The following GOLGA8N variants were observed in gnomAD, a reference collection of about 807,000 sequenced individuals.
GOLGA8N encodes golgin subfamily A member 8N.
In GOLGA8N, 2 loss-of-function variants were observed where a neutral mutation model predicts 22.0. That is an observed-to-expected ratio of 0.09 (90% confidence interval 0.04 to 0.29). The LOEUF (loss-of-function observed/expected upper bound fraction) is 0.29, where lower values mean the gene tolerates loss of function less well. GOLGA8N is among the 10% of genes least tolerant of loss of function. GOLGA8N has a pLI of 1.00. For synonymous variants in GOLGA8N, 2 were observed against 58.7 expected (o/e 0.03, Z 4.41); for missense variants, 10 against 164.7 (o/e 0.06, Z 5.14).
At chr15:32,606,966 C>T (rs1413346177) in exon 19 of GOLGA8N, 4 of 150,430 alleles carry the variant, frequency 2.7e-5, no homozygotes, top group Admixed American at 1.3e-4. Context: ...ATGGTGGGAA[C>T]GAAAAGCAGA....
intron 15 of GOLGA8N, among the ~76,000 whole-genome samples, 168 bp from the exon 16 acceptor site, chr15:32,603,018 C>T: frequency 1.2e-5 from 1 of 80,892 alleles, no homozygotes; most frequent in Middle Eastern, 5.4e-3. Flanking sequence ...GGCCCTGGAG[C>T]CCCAGGGCCT....
In GOLGA8N at chr15:32,599,546, GC is replaced by G; in HGVS notation, c.786+26del. Reference sequence around the variant, plus strand: ...GCAGGAGGTGAGATCTGACCCTTCAGCCCCCCCACATTAGATAGGTCACTGG... The same window carrying G: ...GCAGGAGGTGAGATCTGACCCTTCAGCCCCCCACATTAGATAGGTCACTGG... On this transcript the variant is annotated intron_variant, in intron 10 of 18. Coordinates refer to ENST00000448387, the Ensembl canonical transcript of GOLGA8N. 1.3e-5 allele frequency: 1 copy of G among 78,166 alleles called. No individual in the cohort carries two copies. The highest frequency in any genetic ancestry group is 2.2e-5 in the Non-Finnish European group (1 of 46,404). 4.8% of individuals were successfully genotyped at this position (78,166 alleles called of 1,614,324 possible). A position where few individuals can be genotyped will look rare whatever the true frequency, so the allele number is the denominator to read the frequency against.
At chr15:32,603,504 GGTGGGT>G in intron 17 of GOLGA8N, 38 bp downstream of exon 17, 1 of 29,574 alleles carries the variant, frequency 3.4e-5, no homozygotes, top group Non-Finnish European at 5.6e-5. Context: ...TGGGGGTGGG[GGTGGGT>G]GTGAGGGTGG....
intron 2 of GOLGA8N, among the ~76,000 whole-genome samples, chr15:32,595,854 G>T (rs2052816684): frequency 6.6e-6 from 1 of 151,190 alleles, no homozygotes; most frequent in African/African-American, 2.5e-5. Context: ...TTTAGGGCAA[G>T]TTGCTTGACC....
chr15:32,606,288 G>C (rs1382030956), exon 19 of GOLGA8N: 1 of 103,354 alleles, frequency 9.7e-6, no homozygotes, highest in East Asian at 2.5e-4. Context: ...ATAGCGTTTA[G>C]CATCTGTAAC....
At chr15:32,595,548 GA>G (rs1441429662) in intron 2 of GOLGA8N, among the ~76,000 whole-genome samples, 161 bp downstream of exon 2, 1 of 44,530 alleles carries the variant, frequency 2.2e-5, no homozygotes, top group African/African-American at 1.0e-4. Context: ...GGGAGGCCAA[GA>G]CAGGCGGATC....
At chr15:32,607,071 A>G (rs533286932) in exon 19 of GOLGA8N, 16 of 151,664 alleles carry the variant, frequency 1.1e-4, no homozygotes, top group South Asian at 2.1e-4. Flanking sequence ...AGAATGTGTC[A>G]TGGAAATACT....
chr15:32,598,082 C>T, exon 8 of GOLGA8N: 3 of 1,279,362 alleles, frequency 2.3e-6, no homozygotes, highest in Non-Finnish European at 3.1e-6. Flanking sequence ...GTCCAAGGAC[C>T]TGGCTGTCCG....
In GOLGA8N at chr15:32,598,467, T is replaced by C. The variant is rs1251437645; in HGVS notation, c.591+290T>C. 7.4e-5 allele frequency among the ~76,000 whole-genome samples: 4 copies of C among 54,420 alleles called. 2 individuals carry two copies. The highest frequency in any genetic ancestry group is 1.4e-4 in the African/African-American group (2 of 14,726). 35.7% of individuals were successfully genotyped at this position (54,420 alleles called of 152,430 possible). A position where few individuals can be genotyped will look rare whatever the true frequency, so the allele number is the denominator to read the frequency against. Reference sequence around the variant, plus strand: ...GCAAGTCCTAGTCCTAGGTGGGGTATTGGGTACTTGTACTGTGAAGGTACA... The same window carrying C: ...GCAAGTCCTAGTCCTAGGTGGGGTACTGGGTACTTGTACTGTGAAGGTACA... On this transcript the variant is annotated intron_variant, in intron 8 of 18. Coordinates refer to ENST00000448387, the Ensembl canonical transcript of GOLGA8N.
chr15:32,597,996 T>G, intron 7 of GOLGA8N, 24 bp downstream of exon 7: 1 of 860,934 alleles, frequency 1.2e-6, no homozygotes, highest in South Asian at 1.4e-5. Context: ...CACCCTGTCA[T>G]CCTTCAACCT....
Position 32,597,599 on chromosome 15 carries a change from C to T in GOLGA8N, c.348+110C>T. The T allele has an allele frequency of 1.1e-5, 17 of 1,601,536 alleles. No homozygotes were observed. The South Asian group carries it at 1.6e-4, about 16-fold the overall frequency. On this transcript the variant is annotated intron_variant, in intron 5 of 18. Transcript: ENST00000448387. The stretch of plus-strand genomic sequence containing the variant: ...TCCCAGCCTGGGGAAGAAGGCTGAC[C>T]CCTCAGATTCCACCCCATCCCCACA...
In GOLGA8N at chr15:32,598,626, G is replaced by A. The variant is rs542224340; in HGVS notation, c.591+449G>A. Among the ~76,000 whole-genome samples, 3 of 55,994 alleles carry A rather than the reference G, an allele frequency of 5.4e-5. 1 individual carries two copies. The East Asian group carries it at 1.3e-3, about 24-fold the overall frequency. The allele number at this position is 55,994 out of a possible 152,430, so 36.7% of individuals were successfully genotyped here. A position where few individuals can be genotyped will look rare whatever the true frequency, so the allele number is the denominator to read the frequency against. On this transcript the variant is annotated intron_variant, in intron 8 of 18. Coordinates refer to ENST00000448387, the Ensembl canonical transcript of GOLGA8N. ...GGGTTCATAAAAAATTCAGGAGAGAGCAACAAGATGGCCGGGAGATACTTC... is the reference window on the plus strand; with the variant it reads ...GGGTTCATAAAAAATTCAGGAGAGAACAACAAGATGGCCGGGAGATACTTC...
At chr15:32,606,654 T>C (rs2052937826) in exon 19 of GOLGA8N, 1 of 149,728 alleles carries the variant, frequency 6.7e-6, no homozygotes, top group Non-Finnish European at 1.5e-5. Context: ...GAATACATTT[T>C]AATGTCTGTA....
Position 32,602,509 on chromosome 15 carries a change from AC to A in GOLGA8N, c.1277-5del, listed in dbSNP as rs2052872682. The A allele has an allele frequency of 1.2e-5, 5 of 407,682 alleles. No individual in the cohort carries two copies. Among genetic ancestry groups the A allele is most frequent in the Admixed American group, 5.3e-5 (1 of 19,036 alleles). 25.3% of individuals were successfully genotyped at this position (407,682 alleles called of 1,614,324 possible). On this transcript the variant is annotated splice_polypyrimidine_tract_variant and intron_variant, in intron 14 of 18. Coordinates refer to ENST00000448387, the Ensembl canonical transcript of GOLGA8N. Reference sequence around the variant, plus strand: ...GGGTTGTCTGAAGACCCCTCTGGCCACCCCCCACAGGACACGGAGGAGAACA... The same window carrying A: ...GGGTTGTCTGAAGACCCCTCTGGCCACCCCCACAGGACACGGAGGAGAACA...
intron 5 of GOLGA8N, 121 bp from the exon 6 acceptor site, chr15:32,597,631 C>T: frequency 8.0e-6 from 12 of 1,500,864 alleles, no homozygotes; most frequent in Middle Eastern, 1.9e-4. Flanking sequence ...CACAGGGCCC[C>T]TGATAACCTG....
intron 5 of GOLGA8N, 68 bp downstream of exon 5, chr15:32,597,557 A>T: frequency 1.3e-6 from 2 of 1,590,430 alleles, no homozygotes; most frequent in Non-Finnish European, 8.5e-7. Flanking sequence ...TAGAGGCCCC[A>T]GTCTCGTCTC....
chr15:32,605,203 C>A, exon 19 of GOLGA8N: 1 of 131,512 alleles, frequency 7.6e-6, no homozygotes, highest in Non-Finnish European at 1.6e-5. Context: ...GAATTTACTT[C>A]TTTTTCTTTG....
chr15:32,605,259 T>C (rs2052919294), exon 19 of GOLGA8N: 1 of 148,708 alleles, frequency 6.7e-6, no homozygotes. Flanking sequence ...TATAAACTAA[T>C]ATATGTGAGA....
At chr15:32,595,777 C>A (rs1357140845) in intron 2 of GOLGA8N, among the ~76,000 whole-genome samples, 151 of 50,438 alleles carry the variant, frequency 3.0e-3, no homozygotes, top group Admixed American at 3.7e-3. Flanking sequence ...GACTCTGTCT[C>A]AAAAAAAAAA....
Sources: gnomAD v4.1 joint callset for allele counts (sites outside exome capture counted in the v4.1 genomes callset) on GRCh38, gnomAD v4.1.1 for gene constraint, MANE v1.5 for transcripts, NCBI Gene and HGNC (gene_info 2026-07-23, HGNC 2026-07-21) for gene names.